KRABD4: variants seen among roughly 807,000 people sequenced by gnomAD.
The protein encoded by KRABD4 is KRAB domain containing 4, also known as KRAB domain-containing protein 4.
the KRABD4 span, among the ~76,000 whole-genome samples, chrX:46,462,217 A>G: frequency 8.9e-6 from 1 of 112,344 alleles, no homozygotes; most frequent in Non-Finnish European, 1.9e-5. Context: ...GAACAATTAT[A>G]TGAGAAAGGC....
the KRABD4 span, chrX:46,472,709 A>AG: frequency 8.4e-7 from 1 of 1,191,038 alleles, no homozygotes; most frequent in Admixed American, 2.3e-5. Flanking sequence ...ATTCTAGTGG[A>AG]AAGACTTAAC....
the KRABD4 span, among the ~76,000 whole-genome samples, chrX:46,464,436 G>C: frequency 8.9e-6 from 1 of 112,156 alleles, no homozygotes; most frequent in Non-Finnish European, 1.9e-5. Context: ...CTGCTCGTTA[G>C]AGATTAATTT....
At chrX:46,453,173 T>A in the KRABD4 span, among the ~76,000 whole-genome samples, 1 of 111,828 alleles carries the variant, frequency 8.9e-6, no homozygotes, top group Non-Finnish European at 1.9e-5. Flanking sequence ...GTTTTTAATA[T>A]CTAATTTTAC....
chrX:46,456,272 ATAATT>A, the KRABD4 span: 1 of 108,178 alleles, frequency 9.2e-6, no homozygotes, highest in Non-Finnish European at 1.9e-5. Flanking sequence ...TCATTTAATA[ATAATT>A]TAATAATGTA....
chrX:46,459,241 G>T, the KRABD4 span, among the ~76,000 whole-genome samples: 1 of 108,650 alleles, frequency 9.2e-6, no homozygotes, highest in African/African-American at 3.4e-5. Flanking sequence ...TTGAACCTGG[G>T]GGGCAGAGGT....
the KRABD4 span, chrX:46,455,265 C>T: frequency 1.1e-6 from 1 of 925,086 alleles, no homozygotes; most frequent in Non-Finnish European, 1.5e-6. Flanking sequence ...CATGCTCGTG[C>T]TTCTGTCTTT....
At chrX:46,450,323 G>A in the KRABD4 span, 4 of 439,587 alleles carry the variant, frequency 9.1e-6, no homozygotes, top group Non-Finnish European at 1.1e-5. Context: ...ACCAGGTCAT[G>A]TTTTTAGATC....
chrX:46,470,025 A>T, the KRABD4 span, among the ~76,000 whole-genome samples: 1 of 108,976 alleles, frequency 9.2e-6, no homozygotes, highest in African/African-American at 3.3e-5. Context: ...CCATTTTTTT[A>T]TTTATTTTCT....
chrX:46,461,727 G>A, the KRABD4 span, among the ~76,000 whole-genome samples: 1 of 111,821 alleles, frequency 8.9e-6, no homozygotes, highest in Non-Finnish European at 1.9e-5. Flanking sequence ...TCAGTCAGCT[G>A]CCCAGGCCAC....
At chrX:46,472,979 G>A in the KRABD4 span, 1 of 1,211,121 alleles carries the variant, frequency 8.3e-7, no homozygotes, top group Admixed American at 2.2e-5. Flanking sequence ...AACTTTCTTG[G>A]TCAAAATGGA....
chrX:46,459,262 C>A, the KRABD4 span, among the ~76,000 whole-genome samples: 4 of 101,758 alleles, frequency 3.9e-5, no homozygotes, highest in Non-Finnish European at 7.9e-5. Flanking sequence ...TGCAGTGAGC[C>A]AAGATAGTGC....
the KRABD4 span, among the ~76,000 whole-genome samples, chrX:46,471,812 T>C: frequency 1.8e-5 from 2 of 112,352 alleles, no homozygotes; most frequent in Non-Finnish European, 3.8e-5. Flanking sequence ...GCCCATTTCT[T>C]TTTATTGCTG....
the KRABD4 span, chrX:46,471,038 T>A: frequency 1.1e-6 from 1 of 924,647 alleles, no homozygotes; most frequent in Non-Finnish European, 1.5e-6. Context: ...CTGTTCAGAT[T>A]ATCTATATCC....
the KRABD4 span, chrX:46,456,917 A>C: frequency 3.3e-6 from 1 of 301,617 alleles, no homozygotes; most frequent in Non-Finnish European, 5.8e-6. Context: ...GCTGAGAAAA[A>C]ACCCAACTTC....
chrX:46,462,676 G>A, the KRABD4 span: 1,410 of 1,206,690 alleles, frequency 1.2e-3, 3 homozygotes, highest in African/African-American at 0.019. Context: ...TAAGCCCTCC[G>A]TGTGCGTGAG....
the KRABD4 span, chrX:46,450,353 G>A: frequency 1.5e-6 from 1 of 645,404 alleles, no homozygotes; most frequent in Non-Finnish European, 2.5e-6. Flanking sequence ...AGGGTACAAG[G>A]GTAATTATTA....
the KRABD4 span, among the ~76,000 whole-genome samples, chrX:46,452,480 A>G: frequency 0.19 from 20,641 of 110,234 alleles, 1,948 homozygotes; most frequent in Middle Eastern, 0.32. Context: ...GGCAACCAAA[A>G]TATCTCTTGT....
chrX:46,453,495 G>A, the KRABD4 span, among the ~76,000 whole-genome samples: 2 of 111,023 alleles, frequency 1.8e-5, no homozygotes, highest in Non-Finnish European at 3.8e-5. Flanking sequence ...TGATCATTGG[G>A]ACATCTTAAA....
At chrX:46,472,680 A>G in the KRABD4 span, 2 of 1,116,565 alleles carry the variant, frequency 1.8e-6, no homozygotes, top group Non-Finnish European at 2.4e-6. Flanking sequence ...GCATTTAGGG[A>G]TTAATGTTAT....
Sources: allele counts gnomAD v4.1 joint callset (sites outside exome capture counted in the v4.1 genomes callset), GRCh38; gene constraint gnomAD v4.1.1; transcripts MANE v1.5; gene names NCBI Gene and HGNC (gene_info 2026-07-23, HGNC 2026-07-21).